CEP250: variants seen among roughly 807,000 people sequenced by gnomAD.
CEP250 encodes centrosome-associated protein CEP250.
Under a neutral mutation model 315.7 loss-of-function variants are expected in CEP250, and 242 were observed. The observed-to-expected ratio is 0.77, with a 90% CI of 0.69 to 0.85. CEP250 has a LOEUF of 0.85. Ranked by LOEUF, CEP250 falls within the 40% of genes least tolerant of loss-of-function variation. The pLI, the probability that CEP250 is intolerant of heterozygous loss-of-function variation, is 0.00. For missense variants in CEP250, 2,515 were observed against 2,886.4 expected (o/e 0.87, Z 2.95); for synonymous variants, 1,088 against 1,175.0 (o/e 0.93, Z 1.51).
chr20:35,503,443 T>G lies in CEP250; in HGVS notation c.5074T>G (p.Leu1692Val), dbSNP rs745489114. 1 of 1,614,018 alleles carries G rather than the reference T, an allele frequency of 6.2e-7. No homozygotes were observed. The highest frequency in any genetic ancestry group is 1.1e-5 in the South Asian group (1 of 91,070). ...EEDLEQIKLSLRERGRELTTQ... is the reference protein window; with the variant it reads ...EEDLEQIKLSVRERGRELTTQ... ...GGACCTGGAACAGATCAAGCTGTCC[T>G]TGAGAGAGCGAGGCCGGGAGCTGAC... The change falls in exon 30 of 35, where the codon TTG becomes GTG. Residue 1692 changes from leucine (L) to valine (V), a missense_variant. Physicochemically the swap from Leu to Val is conservative, Grantham distance 32 (BLOSUM62 1). Coordinates refer to ENST00000397527, the MANE Select transcript of CEP250 (RefSeq NM_007186.6). This position sits in a 1 kb window ranked among gnomAD's most constrained non-coding sequence, Gnocchi z 4.2.
At chr20:35,464,448 A>G (rs224351) in intron 5 of CEP250, among the ~76,000 whole-genome samples, 96,011 of 151,926 alleles carry the variant, frequency 0.63, 32,598 homozygotes, top group Non-Finnish European at 0.76. Flanking sequence ...AGTAGCTGGG[A>G]CTACAGATAC....
At chr20:35,501,140 G>A (rs2063989998) in intron 28 of CEP250, among the ~76,000 whole-genome samples, 1 of 152,130 alleles carries the variant, frequency 6.6e-6, no homozygotes, top group African/African-American at 2.4e-5. Context: ...ACAAAGGACA[G>A]GAGAGGAAGG....
chr20:35,509,963 C>G (rs1435561616), intron 33 of CEP250, 35 bp from the exon 34 acceptor site: 4 of 1,600,014 alleles, frequency 2.5e-6, no homozygotes, highest in East Asian at 2.2e-5. Context: ...AGTGGGAAGG[C>G]CTATGCCAAC....
chr20:35,506,445 C>T (rs141992657), intron 30 of CEP250, among the ~76,000 whole-genome samples: 4 of 152,286 alleles, frequency 2.6e-5, no homozygotes, highest in African/African-American at 7.2e-5. Flanking sequence ...GTACTGAGCA[C>T]AAGACCTGCA....
intron 14 of CEP250, 92 bp from the exon 15 acceptor site, chr20:35,475,410 G>A (rs1382185414): frequency 7.6e-7 from 1 of 1,317,128 alleles, no homozygotes. Flanking sequence ...TCCTCATTCT[G>A]TTGCATAGCA....
chr20:35,475,383 TCAGTGTTTATAGAC>T, intron 14 of CEP250, 105 bp from the exon 15 acceptor site: 1 of 1,041,184 alleles, frequency 9.6e-7, no homozygotes, highest in South Asian at 1.6e-5. Context: ...TCTTTCCTTA[TCAGTGTTTATAGAC>T]CATCCTCATT....
At chr20:35,509,909 A>G (rs1601326748) in intron 33 of CEP250, 89 bp from the exon 34 acceptor site, 5 of 1,194,234 alleles carry the variant, frequency 4.2e-6, no homozygotes, top group Non-Finnish European at 5.0e-6. Context: ...CCAGGCCCCT[A>G]AGATTGTGAT....
chr20:35,484,439 C>G (rs1472927098), intron 20 of CEP250, among the ~76,000 whole-genome samples: 1 of 152,130 alleles, frequency 6.6e-6, no homozygotes, highest in African/African-American at 2.4e-5. Context: ...TTTTCCTACC[C>G]TGTATCAAAG....
At chr20:35,456,727 A>G (rs1200232236) in intron 1 of CEP250, among the ~76,000 whole-genome samples, 1 of 151,506 alleles carries the variant, frequency 6.6e-6, no homozygotes, top group Non-Finnish European at 1.5e-5. Context: ...TTGGAATCAG[A>G]TTGGGGTTCA....
Position 35,502,818 on chromosome 20 carries a change from G to A in CEP250, c.4449G>A (p.Glu1483=), listed in dbSNP as rs1469844944. The A allele has an allele frequency of 2.5e-6, 4 of 1,614,128 alleles. No homozygotes were observed. Among genetic ancestry groups the A allele is most frequent in the Non-Finnish European group, 3.4e-6 (4 of 1,180,046 alleles). The change falls in exon 30 of 35, where the codon GAG becomes GAA. Residue 1483 remains glutamate (E), a synonymous_variant. Transcript: ENST00000397527. ...AGCAAGAACAGATTCAGGAGCTAGA[G>A]AAGTGTAGGTCTGTTTTAGAGCATC... ...DLQQEQIQEL[E]KCRSVLEHLP... is the part of the protein sequence containing the mutation.
chr20:35,508,167 C>G lies in CEP250; in HGVS notation c.6883C>G (p.Gln2295Glu). The G allele has an allele frequency of 6.2e-7, 1 of 1,614,042 alleles. No individual in the cohort carries two copies. Residue 2295 changes from glutamine (Q) to glutamate (E), a missense_variant, in exon 32 of 35, where the codon CAG becomes GAG. Gln to Glu is a conservative substitution (Grantham distance 29). Transcript: ENST00000397527. ...DRSRLQRHNV[Q>E]LRSTLEQVER... ...GAGCAGGCTGCAGCGCCACAATGTC[C>G]AGCTGCGGAGTACCTTGGAGCAGGT...
At position 35,505,010 on chromosome 20, in the gene CEP250, G is replaced by T. The variant is rs775257996; in HGVS notation, c.6636+5G>T. On this transcript the variant is annotated splice_donor_5th_base_variant and intron_variant, in intron 30 of 34. Coordinates refer to ENST00000397527, the MANE Select transcript of CEP250 (RefSeq NM_007186.6). ...TCAGAACAGCAAAGGCTGCAGGTAA[G>T]TCACTCCATGGGGAGTAAGGGCCAG... 1 of 1,595,032 alleles carries T rather than the reference G, an allele frequency of 6.3e-7. No homozygotes were observed. Among genetic ancestry groups the T allele is most frequent in the Non-Finnish European group, 8.6e-7 (1 of 1,168,330 alleles).
chr20:35,516,573 G>T lies in CEP250; in HGVS notation c.*4947G>T, dbSNP rs2064437658. On this transcript the variant is annotated 3_prime_UTR_variant, in exon 35 of 35. Coordinates refer to ENST00000397527, the MANE Select transcript of CEP250 (RefSeq NM_007186.6). ...CTCCATTACCTGGTGAATGAGATTGGCTAGCTGCTGCTCCTGCCCCAGCTA... is the reference window on the plus strand; with the variant it reads ...CTCCATTACCTGGTGAATGAGATTGTCTAGCTGCTGCTCCTGCCCCAGCTA... The T allele has an allele frequency of 6.6e-6, 1 of 152,244 alleles. No individual in the cohort carries two copies. Among genetic ancestry groups the T allele is most frequent in the Admixed American group, 6.5e-5 (1 of 15,282 alleles). The allele number at this position is 152,244 out of a possible 1,614,324, so 9.4% of individuals were successfully genotyped here.
rs942247394 is a variant in CEP250 at position 35,518,891 on chromosome 20, G to A, written c.*7265G>A. On this transcript the variant is annotated 3_prime_UTR_variant, in exon 35 of 35. Transcript: ENST00000397527. ...TACTAAAATACAAAAAATTAGCCGG[G>A]GGTGGCGGTGTGCACCTTGTAGTCC... 2 of 152,032 alleles carry A rather than the reference G, an allele frequency of 1.3e-5. No homozygotes were observed. Among genetic ancestry groups the A allele is most frequent in the Non-Finnish European group, 2.9e-5 (2 of 68,028 alleles). 9.4% of individuals were successfully genotyped at this position (152,032 alleles called of 1,614,324 possible). A position where few individuals can be genotyped will look rare whatever the true frequency, so the allele number is the denominator to read the frequency against.
chr20:35,491,439 C>T, intron 22 of CEP250, 93 bp downstream of exon 22: 2 of 1,363,058 alleles, frequency 1.5e-6, no homozygotes, highest in Non-Finnish European at 2.0e-6. Flanking sequence ...ATGTGCCAGG[C>T]CCTGTGCTAG....
At chr20:35,491,476 G>A in intron 22 of CEP250, 130 bp downstream of exon 22, 1 of 1,031,280 alleles carries the variant, frequency 9.7e-7, no homozygotes. Flanking sequence ...AGTACATAAA[G>A]GTATGGCACA....
intron 10 of CEP250, 48 bp from the exon 11 acceptor site, chr20:35,472,002 T>A (rs1377700650): frequency 8.7e-7 from 1 of 1,143,522 alleles, no homozygotes; most frequent in Non-Finnish European, 1.3e-6. Context: ...AATAATAAAT[T>A]CACTTTTGAG....
chr20:35,482,529 G>T (rs1041403037), intron 20 of CEP250, among the ~76,000 whole-genome samples: 1 of 151,206 alleles, frequency 6.6e-6, no homozygotes, highest in Non-Finnish European at 1.5e-5. Flanking sequence ...GTGAGCCACC[G>T]TGCCCGGCTA....
rs1444725622 is a variant in CEP250, at chr20:35,472,670, C to T, written c.1051-3C>T. 3.7e-6 allele frequency: 6 copies of T among 1,614,086 alleles called. No homozygotes were observed. The East Asian group carries it at 1.3e-4, about 36-fold the overall frequency. ...GTGGTGACCTTGCTGTATTGGGTTT[C>T]AGGTCATGGTGGAAGAAGGGGACAA... On this transcript the variant is annotated splice_polypyrimidine_tract_variant and splice_region_variant and intron_variant, in intron 11 of 34. Coordinates refer to ENST00000397527, the MANE Select transcript of CEP250 (RefSeq NM_007186.6).
Sources: allele counts gnomAD v4.1 joint callset (sites outside exome capture counted in the v4.1 genomes callset), GRCh38; gene constraint gnomAD v4.1.1; non-coding constraint Gnocchi (gnomAD v3.1); transcripts MANE v1.5; gene names NCBI Gene and HGNC (gene_info 2026-07-23, HGNC 2026-07-21).